ZNF490: variants seen among roughly 807,000 people sequenced by gnomAD.
The protein encoded by ZNF490 is zinc finger protein 490.
A neutral mutation model predicts 17.7 loss-of-function variants in ZNF490; 11 were observed. The observed-to-expected ratio is 0.62, with a 90% confidence interval of 0.39 to 1.03. The LOEUF (loss-of-function observed/expected upper bound fraction) is 1.03. Ranked by LOEUF, ZNF490 falls within the 50% of genes least tolerant of loss-of-function variation. The pLI, the probability that ZNF490 is intolerant of heterozygous loss-of-function variation, is 0.00. For missense variants in ZNF490, 542 were observed against 643.4 expected, an observed-to-expected ratio of 0.84 and a Z score of 1.71; for synonymous variants, 222 against 216.1, an observed-to-expected ratio of 1.03 and a Z score of -0.24.
chr19:12,583,000 G>T, intron 3 of ZNF490, 90 bp from the exon 4 acceptor site: 1 of 1,069,250 alleles, frequency 9.4e-7, no homozygotes, highest in Non-Finnish European at 1.4e-6. Flanking sequence ...CTATTGATTA[G>T]CTATGACACT....
chr19:12,580,317 C>G lies in ZNF490; in HGVS notation c.*168G>C. On this transcript the variant is annotated 3_prime_UTR_variant, in exon 5 of 5. Transcript: ENST00000311437. Reference sequence around the variant, plus strand: ...CGCAGGAGAGTGCAAGTTCCTCCCCCATTTGTTAAATATTTCATTGCCGCA... The same window carrying G: ...CGCAGGAGAGTGCAAGTTCCTCCCCGATTTGTTAAATATTTCATTGCCGCA... 1.8e-5 allele frequency: 26 copies of G among 1,428,020 alleles called. No individual in the cohort carries two copies. In the South Asian group the frequency reaches 3.2e-4, roughly 18 times the overall value. The allele number at this position is 1,428,020 out of a possible 1,614,324, so 88.5% of individuals were successfully genotyped here.
Position 12,577,570 on chromosome 19 carries a change from C to T in ZNF490, c.*2915G>A, listed in dbSNP as rs762690912. On this transcript the variant is annotated 3_prime_UTR_variant, in exon 5 of 5. Transcript: ENST00000311437. The stretch of plus-strand genomic sequence containing the variant: ...AGAAGCGAAGGTGTGCATCTCCTGG[C>T]TCAGCCACCAGGTCCTCCACTGCAT... 82 of 985,216 alleles carry T rather than the reference C, an allele frequency of 8.3e-5. No homozygotes were observed. The highest frequency in any genetic ancestry group is 9.2e-5 in the Non-Finnish European group (76 of 829,928). The allele number at this position is 985,216 out of a possible 1,614,324, so 61.0% of individuals were successfully genotyped here.
rs2022731517 is a variant in ZNF490 at position 12,581,355 on chromosome 19, A to G, written c.720T>C (p.His240=). 6.2e-7 allele frequency: 1 copy of G among 1,613,878 alleles called. No individual in the cohort carries two copies. The highest frequency in any genetic ancestry group is 1.3e-5 in the African/African-American group (1 of 74,918). The change falls in exon 5 of 5, where the codon CAT becomes CAC. Residue 240 remains histidine (H), a synonymous_variant. Coordinates refer to ENST00000311437, the MANE Select transcript of ZNF490 (RefSeq NM_020714.3). The part of the protein sequence containing the change: ...AFAFLFSFRN[H]IRIHTGETPY... ...GTGTCTCTCCAGTATGAATTCTTAT[A>G]TGGTTTCGAAAGGAAAAGAGAAATG...
rs1373892251 is a variant in ZNF490, at chr19:12,610,642, T to C, written c.39A>G (p.Arg13=). Residue 13 remains arginine, a synonymous_variant, in exon 1 of 5, where the codon CGA becomes CGG. Coordinates refer to ENST00000311437, the MANE Select transcript of ZNF490 (RefSeq NM_020714.3). ...RNSSLSFQME[R]PLEEQVQSKW... ...TGCTCTGGACTTGCTCCTCGAGGGG[T>C]CGCTCCATCTGGAAACTGAGACTGG... The C allele has an allele frequency of 2.5e-6, 4 of 1,613,178 alleles. No homozygotes were observed. The African/African-American group carries it at 4.0e-5, about 16-fold the overall frequency.
In ZNF490 at chr19:12,581,029, A is replaced by G; in HGVS notation, c.1046T>C (p.Leu349Pro). 1 of 1,614,076 alleles carries G rather than the reference A, an allele frequency of 6.2e-7. No individual in the cohort carries two copies. Among genetic ancestry groups the G allele is most frequent in the Non-Finnish European group, 8.5e-7 (1 of 1,179,988 alleles). ...CGRAFFSHSS[L>P]RKHVKTHTGV... ...GGTGTGGGTTTTCACGTGTTTTCGA[A>G]GGCTTGAGTGAGAAAAGAAGGCTCT... The change falls in exon 5 of 5, where the codon CTT becomes CCT. Residue 349 changes from leucine to proline, a missense_variant. Physicochemically the swap from Leu to Pro is moderately conservative, Grantham distance 98 (BLOSUM62 -3). Coordinates refer to ENST00000311437, the MANE Select transcript of ZNF490 (RefSeq NM_020714.3).
At position 12,580,335 on chromosome 19, in the gene ZNF490, T is replaced by C. The variant is rs2022710991; in HGVS notation, c.*150A>G. On this transcript the variant is annotated 3_prime_UTR_variant, in exon 5 of 5. Transcript: ENST00000311437. ...CCTCCCCCATTTGTTAAATATTTCA[T>C]TGCCGCATGAGTCACGTCTTCAAAG... 3.5e-6 allele frequency: 5 copies of C among 1,446,266 alleles called. No individual in the cohort carries two copies. The Admixed American group carries it at 1.3e-4, about 36-fold the overall frequency. 89.6% of individuals were successfully genotyped at this position (1,446,266 alleles called of 1,614,324 possible). A position where few individuals can be genotyped will look rare whatever the true frequency, so the allele number is the denominator to read the frequency against.
chr19:12,588,295 C>G (rs2022826197), intron 2 of ZNF490, among the ~76,000 whole-genome samples: 1 of 152,102 alleles, frequency 6.6e-6, no homozygotes, highest in Non-Finnish European at 1.5e-5. Flanking sequence ...CCATGCCCGG[C>G]CAACACTAAT....
Position 12,580,179 on chromosome 19 carries a change from T to C in ZNF490, c.*306A>G. ...TATAGAATTTTCTTTATAGTTTCTC[T>C]CCAGTATATATTCTCAGGTGTCTTT... On this transcript the variant is annotated 3_prime_UTR_variant, in exon 5 of 5. Transcript: ENST00000311437. 9.0e-7 allele frequency: 1 copy of C among 1,109,542 alleles called. No individual in the cohort carries two copies. Among genetic ancestry groups the C allele is most frequent in the Non-Finnish European group, 1.1e-6 (1 of 908,814 alleles). 68.7% of individuals were successfully genotyped at this position (1,109,542 alleles called of 1,614,324 possible).
chr19:12,609,824 T>G (rs2023122024), intron 1 of ZNF490: 2 of 409,230 alleles, frequency 4.9e-6, no homozygotes. Flanking sequence ...ACACTGGAGA[T>G]GCCAATAGGT....
Position 12,587,370 on chromosome 19 carries a change from G to A in ZNF490, c.163-3814C>T, listed in dbSNP as rs1343442743. Among the ~76,000 whole-genome samples the A allele has an allele frequency of 2.4e-5, 2 of 82,368 alleles. 1 individual carries two copies. Among genetic ancestry groups the A allele is most frequent in the Admixed American group, 2.5e-4 (2 of 8,106 alleles). The allele number at this position is 82,368 out of a possible 152,430, so 54.0% of individuals were successfully genotyped here. On this transcript the variant is annotated intron_variant, in intron 2 of 4. Coordinates refer to ENST00000311437, the MANE Select transcript of ZNF490 (RefSeq NM_020714.3). ...GCTTGTCTCAAACTCCTGGCCTCAA[G>A]CAATCATCCTGCCTCAGCCTCCCAA...
chr19:12,608,712 G>C (rs757637890), intron 2 of ZNF490, among the ~76,000 whole-genome samples: 19 of 152,098 alleles, frequency 1.2e-4, no homozygotes, highest in Non-Finnish European at 2.4e-4. Flanking sequence ...CTGGCCTCAA[G>C]TGATCCACCC....
intron 2 of ZNF490, among the ~76,000 whole-genome samples, chr19:12,605,403 C>T (rs1167914632): frequency 6.6e-6 from 1 of 151,678 alleles, no homozygotes; most frequent in African/African-American, 2.4e-5. Context: ...ATCGCTTGAT[C>T]CCAAGAGTTG....
intron 2 of ZNF490, among the ~76,000 whole-genome samples, chr19:12,596,068 C>G (rs924175704): frequency 6.6e-6 from 1 of 152,078 alleles, no homozygotes; most frequent in African/African-American, 2.4e-5. Flanking sequence ...AGTTCGAGAA[C>G]AGCCTGGTCA....
chr19:12,610,792 C>A lies in ZNF490; in HGVS notation c.-112G>T. On this transcript the variant is annotated 5_prime_UTR_variant, in exon 1 of 5. Coordinates refer to ENST00000311437, the MANE Select transcript of ZNF490 (RefSeq NM_020714.3). ...CACGGAGGGCACCAGTTCCGTCCCA[C>A]CGGCGGAAGCGAGATCTGCCTAGCT... 1 of 1,131,274 alleles carries A rather than the reference C, an allele frequency of 8.8e-7. No individual in the cohort carries two copies. The highest frequency in any genetic ancestry group is 1.3e-6 in the Non-Finnish European group (1 of 762,012). 70.1% of individuals were successfully genotyped at this position (1,131,274 alleles called of 1,614,324 possible).
chr19:12,589,202 CA>C (rs2022836940), intron 2 of ZNF490, among the ~76,000 whole-genome samples: 1 of 151,720 alleles, frequency 6.6e-6, no homozygotes, highest in South Asian at 2.1e-4. Flanking sequence ...CTCTAAAATA[CA>C]AAAATTAGCC....
chr19:12,593,309 G>T (rs773259485), intron 2 of ZNF490, among the ~76,000 whole-genome samples: 4 of 151,534 alleles, frequency 2.6e-5, no homozygotes, highest in African/African-American at 9.7e-5. Flanking sequence ...ATGCAGAGGC[G>T]CAATCTCGGC....
At chr19:12,606,145 G>A (rs1040508168) in intron 2 of ZNF490, among the ~76,000 whole-genome samples, 1 of 151,680 alleles carries the variant, frequency 6.6e-6, no homozygotes, top group African/African-American at 2.4e-5. Context: ...CTCCCAAAGT[G>A]CAGGGATTAC....
Position 12,578,972 on chromosome 19 carries a change from G to A in ZNF490, c.*1513C>T, listed in dbSNP as rs1380973271. 1.6e-5 allele frequency: 16 copies of A among 985,472 alleles called. No individual in the cohort carries two copies. The highest frequency in any genetic ancestry group is 5.2e-4 in the Middle Eastern group (1 of 1,940). 61.0% of individuals were successfully genotyped at this position (985,472 alleles called of 1,614,324 possible). A position where few individuals can be genotyped will look rare whatever the true frequency, so the allele number is the denominator to read the frequency against. On this transcript the variant is annotated 3_prime_UTR_variant, in exon 5 of 5. Coordinates refer to ENST00000311437, the MANE Select transcript of ZNF490 (RefSeq NM_020714.3). The stretch of plus-strand genomic sequence containing the variant: ...TTTCATGGTTTTAAAATGAACTGGA[G>A]GCCGGGCGCGGTGGCTCACGCCTAT...
chr19:12,599,983 G>A (rs1255980159), intron 2 of ZNF490, among the ~76,000 whole-genome samples: 1 of 152,052 alleles, frequency 6.6e-6, no homozygotes, highest in East Asian at 1.9e-4. Context: ...AATTGTAAAG[G>A]GTAATAAAAA....
Sources: allele counts gnomAD v4.1 joint callset (sites outside exome capture counted in the v4.1 genomes callset), GRCh38; gene constraint gnomAD v4.1.1; transcripts MANE v1.5; gene names NCBI Gene and HGNC (gene_info 2026-07-23, HGNC 2026-07-21).